Variants in IL20RA observed in about 807,000 individuals in gnomAD.
IL20RA encodes interleukin 20 receptor subunit alpha.
A neutral mutation model predicts 36.5 loss-of-function variants in IL20RA; 29 were observed. The observed-to-expected ratio is 0.79, with a 90% CI of 0.59 to 1.08. The LOEUF (loss-of-function observed/expected upper bound fraction) is 1.08. Ranked by LOEUF, IL20RA falls within the 50% of genes least tolerant of loss-of-function variation. The probability of loss-of-function intolerance (pLI) is 0.00; values close to 1 mark genes in which losing one functional copy is unlikely to be tolerated. For synonymous variants in IL20RA, 279 were observed against 267.1 expected (o/e 1.04, Z -0.43); for missense variants, 652 against 668.4 (o/e 0.98, Z 0.27).
chr6:137,013,910 A>C (rs1171487638), intron 2 of IL20RA, among the ~76,000 whole-genome samples: 2 of 152,226 alleles, frequency 1.3e-5, no homozygotes, highest in East Asian at 3.8e-4. Context: ...TCTTTTTAAA[A>C]ACATATTTTT....
At chr6:137,030,930 T>TC (rs1409884452) in intron 1 of IL20RA, among the ~76,000 whole-genome samples, 1 of 152,164 alleles carries the variant, frequency 6.6e-6, no homozygotes, top group Non-Finnish European at 1.5e-5. Flanking sequence ...CACCTCCCCT[T>TC]CACCTCCTCC....
intron 1 of IL20RA, among the ~76,000 whole-genome samples, chr6:137,034,017 G>A (rs1776388028): frequency 6.6e-6 from 1 of 152,174 alleles, no homozygotes; most frequent in Non-Finnish European, 1.5e-5. Context: ...CTCAGGAAGT[G>A]GTAAATAGTA....
chr6:137,001,846 G>T lies in IL20RA; in HGVS notation c.1374C>A (p.Asp458Glu). Residue 458 changes from aspartate (D) to glutamate (E), a missense_variant, in exon 7 of 7, where the codon GAC becomes GAA. Asp to Glu is a conservative substitution (Grantham distance 45). Transcript: ENST00000316649. ...YSYTPQLQDL[D>E]PLAQEHTDSE... ...AGTCTGTGTGCTCCTGCGCCAGGGG[G>T]TCTAAGTCTTGGAGCTGAGGGGTGT... 1.9e-6 allele frequency: 3 copies of T among 1,613,506 alleles called. No homozygotes were observed. Among genetic ancestry groups the T allele is most frequent in the Non-Finnish European group, 8.5e-7 (1 of 1,179,660 alleles).
At chr6:137,003,556 C>G (rs1228946860) in intron 6 of IL20RA, among the ~76,000 whole-genome samples, 1 of 152,198 alleles carries the variant, frequency 6.6e-6, no homozygotes, top group Non-Finnish European at 1.5e-5. Flanking sequence ...CTGGACAAAG[C>G]TACAGTTCCC....
intron 1 of IL20RA, among the ~76,000 whole-genome samples, chr6:137,037,638 G>T (rs927565922): frequency 2.6e-5 from 4 of 152,146 alleles, no homozygotes; most frequent in African/African-American, 9.7e-5. Flanking sequence ...ACCTTCCAAG[G>T]TTCAGTGTTT....
chr6:137,010,240 A>G (rs543618100), intron 3 of IL20RA, among the ~76,000 whole-genome samples: 10 of 152,326 alleles, frequency 6.6e-5, no homozygotes, highest in African/African-American at 2.4e-4. Context: ...TGGACAGTAA[A>G]TATTTCAGGC....
chr6:137,009,029 T>C, intron 4 of IL20RA: 1 of 562,522 alleles, frequency 1.8e-6, no homozygotes. Context: ...TTTTTTCTTC[T>C]TCTCAGAGAA....
At position 137,011,431 on chromosome 6, in the gene IL20RA, C is replaced by T. The variant is rs767473706; in HGVS notation, c.246G>A (p.Leu82=). The change falls in exon 3 of 7, where the codon CTG becomes CTA. Residue 82 remains leucine, a synonymous_variant. Coordinates refer to ENST00000316649, the MANE Select transcript of IL20RA (RefSeq NM_014432.4). ...QYFIYGQKKW[L]NKSECRNINR... ...TGATATTTCTGCATTCTGATTTATT[C>T]AGCCATTTCTTTTGCCCATATCTGC... is the stretch of plus-strand genomic sequence containing the variant. 4 of 1,612,716 alleles carry T rather than the reference C, an allele frequency of 2.5e-6. No homozygotes were observed. The highest frequency in any genetic ancestry group is 2.2e-5 in the East Asian group (1 of 44,878).
chr6:137,044,512 G>T, intron 1 of IL20RA, 129 bp downstream of exon 1: 1 of 1,005,246 alleles, frequency 9.9e-7, no homozygotes, highest in Non-Finnish European at 1.3e-6. Context: ...CGCGCACCTC[G>T]TCCTCTGCCC....
rs774572566 is a variant in IL20RA at position 137,001,809 on chromosome 6, G to T, written c.1411C>A (p.Pro471Thr). Residue 471 changes from proline to threonine, a missense_variant, in exon 7 of 7, where the codon CCG becomes ACG. Pro to Thr is a conservative substitution (Grantham distance 38). Coordinates refer to ENST00000316649, the MANE Select transcript of IL20RA (RefSeq NM_014432.4). ...AQEHTDSEEG[P>T]EEEPSTTLVD... ...AGGGTCGTCGATGGCTCTTCCTCCG[G>T]CCCCTCCTCCGAGTCTGTGTGCTCC... 2 of 1,613,382 alleles carry T rather than the reference G, an allele frequency of 1.2e-6. No homozygotes were observed. Among genetic ancestry groups the T allele is most frequent in the East Asian group, 4.5e-5 (2 of 44,862 alleles).
Position 137,001,516 on chromosome 6 carries a change from CTTG to C in IL20RA, c.*39_*41del, listed in dbSNP as rs1252973965. 2 of 1,497,766 alleles carry C rather than the reference CTTG, an allele frequency of 1.3e-6. No homozygotes were observed. The highest frequency in any genetic ancestry group is 2.8e-5 in the African/African-American group (2 of 71,340). The allele number at this position is 1,497,766 out of a possible 1,614,324, so 92.8% of individuals were successfully genotyped here. The stretch of plus-strand genomic sequence containing the variant: ...TGGCTGGGATCAAAGGGGTGACTCA[CTTG>C]TTTGCACAGGAAACAAAAGGCAAAA... On this transcript the variant is annotated 3_prime_UTR_variant, in exon 7 of 7. Coordinates refer to ENST00000316649, the MANE Select transcript of IL20RA (RefSeq NM_014432.4).
chr6:137,031,602 G>C (rs143445641), intron 1 of IL20RA, among the ~76,000 whole-genome samples: 1 of 152,244 alleles, frequency 6.6e-6, no homozygotes, highest in Non-Finnish European at 1.5e-5. Flanking sequence ...TTTAGGTTTG[G>C]GGAAGTACAT....
intron 6 of IL20RA, among the ~76,000 whole-genome samples, chr6:137,004,176 T>TTTTTTTTTG (rs1562228096): frequency 7.8e-5 from 11 of 141,092 alleles, no homozygotes; most frequent in East Asian, 2.1e-4. Context: ...TTTTTTTTTT[T>TTTTTTTTTG]TTTTTTTTTG....
chr6:137,006,677 C>T (rs4896228), intron 5 of IL20RA, among the ~76,000 whole-genome samples: 57,657 of 151,620 alleles, frequency 0.38, 13,284 homozygotes, highest in East Asian at 0.79. Context: ...TGGGATAGCA[C>T]GGGTTCAGAA....
chr6:137,044,282 G>C, intron 1 of IL20RA: 1 of 1,001,336 alleles, frequency 1.0e-6, no homozygotes, highest in Non-Finnish European at 1.2e-6. Flanking sequence ...ACTGGCCGGC[G>C]AGGGGCCCCG....
At chr6:137,003,774 ATCT>A (rs956979982) in intron 6 of IL20RA, among the ~76,000 whole-genome samples, 2 of 152,074 alleles carry the variant, frequency 1.3e-5, no homozygotes, top group African/African-American at 4.8e-5. Context: ...CTCCAGTCTC[ATCT>A]TCTTCTCTAG....
chr6:137,026,118 T>A (rs1293561738), intron 1 of IL20RA, among the ~76,000 whole-genome samples: 1 of 152,212 alleles, frequency 6.6e-6, no homozygotes, highest in Non-Finnish European at 1.5e-5. Flanking sequence ...TATGACCAAC[T>A]GGGGCAGCCT....
At chr6:137,023,162 AC>A (rs781371722) in intron 1 of IL20RA, among the ~76,000 whole-genome samples, 5 of 152,134 alleles carry the variant, frequency 3.3e-5, no homozygotes, top group Non-Finnish European at 7.4e-5. Context: ...ACAAATATAT[AC>A]ATAAAAATTT....
chr6:137,011,571 G>T (rs894799821), intron 2 of IL20RA, 119 bp from the exon 3 acceptor site: 1 of 622,570 alleles, frequency 1.6e-6, no homozygotes, highest in Non-Finnish European at 2.5e-6. Flanking sequence ...AAACAAAAGT[G>T]CCTGTCATTG....
Sources: allele counts gnomAD v4.1 joint callset (sites outside exome capture counted in the v4.1 genomes callset), GRCh38; gene constraint gnomAD v4.1.1; transcripts MANE v1.5; gene names NCBI Gene and HGNC (gene_info 2026-07-23, HGNC 2026-07-21).